LRP5: variants seen among roughly 807,000 people sequenced by gnomAD.
LRP5 encodes the protein low-density lipoprotein receptor-related protein 5.
In LRP5, 62 loss-of-function variants were observed where a neutral mutation model predicts 154.1. The ratio of observed to expected loss-of-function variants is 0.40; its 90% CI spans 0.33 to 0.50. LRP5 has a LOEUF of 0.50. Among genes scored for constraint, LRP5 ranks in the 20% least tolerant of loss-of-function variants. LRP5 has a pLI of 0.55. For missense variants in LRP5, 1,915 were observed against 2,336.7 expected (o/e 0.82, Z 3.72); for synonymous variants, 966 against 1,011.5 (o/e 0.96, Z 0.85).
In LRP5 at chr11:68,447,687, C is replaced by T. The variant is rs560225339; in HGVS notation, c.4587-1122C>T. Among the ~76,000 whole-genome samples, 1 of 152,346 alleles carries T rather than the reference C, an allele frequency of 6.6e-6. No individual in the cohort carries two copies. Among genetic ancestry groups the T allele is most frequent in the South Asian group, 2.1e-4 (1 of 4,828 alleles). On this transcript the variant is annotated intron_variant, in intron 22 of 22. Transcript: ENST00000294304. This position sits in a 1 kb window ranked among gnomAD's most constrained non-coding sequence, Gnocchi z 4.3. Reference sequence around the variant, plus strand: ...CGCCCGCCGTCTGACCTCACAGCAGCTGGGCCCCAAGAGGAGTATCCTGTC... The same window carrying T: ...CGCCCGCCGTCTGACCTCACAGCAGTTGGGCCCCAAGAGGAGTATCCTGTC...
chr11:68,350,408 G>A (rs983037227), intron 2 of LRP5, among the ~76,000 whole-genome samples: 4 of 152,240 alleles, frequency 2.6e-5, no homozygotes, highest in South Asian at 4.1e-4. Context: ...ACAGGAGCCC[G>A]CCTGCCCTCC....
At chr11:68,325,934 C>T (rs756299583) in intron 1 of LRP5, among the ~76,000 whole-genome samples, 3 of 152,202 alleles carry the variant, frequency 2.0e-5, no homozygotes, top group Non-Finnish European at 4.4e-5. Context: ...ACCATCGCAT[C>T]GCAATTGTTA....
At chr11:68,427,958 T>A (rs1450820762) in intron 16 of LRP5, among the ~76,000 whole-genome samples, 1 of 69,722 alleles carries the variant, frequency 1.4e-5, no homozygotes, top group Non-Finnish European at 3.0e-5. Context: ...TTATTTTATT[T>A]TATTTTATTT....
At chr11:68,405,796 G>A (rs1255021801) in intron 8 of LRP5, among the ~76,000 whole-genome samples, 2 of 152,244 alleles carry the variant, frequency 1.3e-5, no homozygotes, top group African/African-American at 4.8e-5. Context: ...TGAAAAAGAG[G>A]CAGCTTTGGC....
At chr11:68,372,678 C>T (rs1487940044) in intron 5 of LRP5, among the ~76,000 whole-genome samples, 8 of 152,126 alleles carry the variant, frequency 5.3e-5, no homozygotes, top group Non-Finnish European at 1.0e-4. Context: ...TGCTGAGCAG[C>T]GTGATGGTGC....
At chr11:68,442,420 T>A (rs1290446345) in intron 21 of LRP5, among the ~76,000 whole-genome samples, 2 of 152,052 alleles carry the variant, frequency 1.3e-5, no homozygotes, top group African/African-American at 2.4e-5. Context: ...AGATGGCAGG[T>A]GTGCACCATC....
At chr11:68,302,833 G>A in the LRP5 span, among the ~76,000 whole-genome samples, 3 of 152,220 alleles carry the variant, frequency 2.0e-5, no homozygotes, top group Non-Finnish European at 4.4e-5. Context: ...GCCCTTCCCA[G>A]ATGATCAGGA....
chr11:68,334,079 C>T (rs2098604342), intron 1 of LRP5, among the ~76,000 whole-genome samples: 1 of 152,104 alleles, frequency 6.6e-6, no homozygotes, highest in Non-Finnish European at 1.5e-5. Context: ...ACTAAAAATA[C>T]AAAAATTAGC....
At chr11:68,361,291 C>CT (rs1304826849) in intron 3 of LRP5, among the ~76,000 whole-genome samples, 1 of 145,796 alleles carries the variant, frequency 6.9e-6, no homozygotes, top group East Asian at 2.0e-4. Context: ...GGCTACAGAG[C>CT]GAGACTCTGT....
chr11:68,308,639 T>G (rs1465739665), upstream of LRP5, among the ~76,000 whole-genome samples: 1 of 152,176 alleles, frequency 6.6e-6, no homozygotes, highest in East Asian at 1.9e-4. Context: ...AGTGCTGAAT[T>G]TTAATTCATT....
chr11:68,313,216 C>T (rs1369728900), intron 1 of LRP5, among the ~76,000 whole-genome samples: 3 of 151,260 alleles, frequency 2.0e-5, no homozygotes, highest in Non-Finnish European at 3.0e-5. Context: ...AGCCTGTTTC[C>T]AGCGGCCGCG....
At chr11:68,318,268 A>G (rs1164023770) in intron 1 of LRP5, among the ~76,000 whole-genome samples, 2 of 148,210 alleles carry the variant, frequency 1.3e-5, no homozygotes, top group African/African-American at 5.0e-5. Flanking sequence ...GTTAGCCAGG[A>G]TGGTCTCCAT....
intron 5 of LRP5, among the ~76,000 whole-genome samples, chr11:68,381,380 G>A (rs927758069): frequency 1.3e-5 from 2 of 152,196 alleles, no homozygotes; most frequent in African/African-American, 4.8e-5. Flanking sequence ...ACAGAGGTGG[G>A]CAGGGACGGA....
intron 16 of LRP5, among the ~76,000 whole-genome samples, chr11:68,426,635 C>G (rs1424219592): frequency 6.6e-6 from 1 of 152,096 alleles, no homozygotes; most frequent in African/African-American, 2.4e-5. Context: ...GTTGCCCAGG[C>G]TGGTCTGCAA....
chr11:68,438,463 T>C lies in LRP5; in HGVS notation c.4129T>C (p.Ser1377Pro), dbSNP rs773426857. The change falls in exon 20 of 23, where the codon TCA becomes CCA. Residue 1377 changes from serine (S) to proline (P), a missense_variant. Physicochemically the swap from Ser to Pro is moderately conservative, Grantham distance 74. Transcript: ENST00000294304. ...TCTGGCAGAAATCACCAAGCCGCCCTCAGACGACAGCCCGGCCCACAGCAG... is the reference window on the plus strand; with the variant it reads ...TCTGGCAGAAATCACCAAGCCGCCCCCAGACGACAGCCCGGCCCACAGCAG... The part of the protein sequence containing the change: ...ELMCEITKPP[S>P]DDSPAHSSAI... 4.3e-6 allele frequency: 7 copies of C among 1,614,172 alleles called. No homozygotes were observed. Among genetic ancestry groups the C allele is most frequent in the Non-Finnish European group, 5.9e-6 (7 of 1,180,038 alleles).
chr11:68,404,481 A>T (rs1467488738), intron 8 of LRP5: 1 of 491,162 alleles, frequency 2.0e-6, no homozygotes, highest in Non-Finnish European at 4.0e-6. Flanking sequence ...CCGGCTTTAA[A>T]ATACGAGGGA....
intron 5 of LRP5, among the ~76,000 whole-genome samples, chr11:68,381,558 C>G (rs1479598510): frequency 6.6e-6 from 1 of 152,110 alleles, no homozygotes; most frequent in Non-Finnish European, 1.5e-5. Context: ...CTCCTGCATG[C>G]GTGCAGGGAG....
chr11:68,319,072 GTTTTTTTTTTTT>G (rs59893808), intron 1 of LRP5, among the ~76,000 whole-genome samples: 1 of 92,248 alleles, frequency 1.1e-5, no homozygotes, highest in Non-Finnish European at 2.1e-5. Context: ...CTGGCTCCTT[GTTTTTTTTTTTT>G]TTTTTTTTTT....
At chr11:68,300,627 C>T in the LRP5 span, among the ~76,000 whole-genome samples, 1 of 149,454 alleles carries the variant, frequency 6.7e-6, no homozygotes, top group African/African-American at 2.4e-5. Context: ...AAATTCCCTG[C>T]CCAAGCCGCA....
Sources: allele counts gnomAD v4.1 joint callset (sites outside exome capture counted in the v4.1 genomes callset), GRCh38; gene constraint gnomAD v4.1.1; non-coding constraint Gnocchi (gnomAD v3.1); transcripts MANE v1.5; gene names NCBI Gene and HGNC (gene_info 2026-07-23, HGNC 2026-07-21).